Variants in MYO16 observed in about 807,000 individuals in gnomAD.
MYO16 encodes myosin XVI.
In MYO16, 94 loss-of-function variants were observed where a neutral mutation model predicts 205.3. The observed-to-expected ratio is 0.46, with a 90% CI of 0.39 to 0.54. The LOEUF (loss-of-function observed/expected upper bound fraction) is 0.54, where lower values mean the gene tolerates loss of function less well. Ranked by LOEUF, MYO16 falls within the 20% of genes least tolerant of loss-of-function variation. The pLI is 0.00. For synonymous variants in MYO16, 988 were observed against 954.0 expected (o/e 1.04, Z -0.66); for missense variants, 2,315 against 2,387.5 (o/e 0.97, Z 0.63).
intron 4 of MYO16, among the ~76,000 whole-genome samples, chr13:108,774,958 A>G (rs1886079608): frequency 6.6e-6 from 1 of 152,232 alleles, no homozygotes; most frequent in Non-Finnish European, 1.5e-5. Flanking sequence ...AATATTACTT[A>G]AGATTTAGAA....
intron 2 of MYO16, among the ~76,000 whole-genome samples, chr13:108,689,444 T>C (rs889001403): frequency 3.9e-5 from 6 of 152,114 alleles, no homozygotes. Context: ...AACTAATAAT[T>C]GTAAAGGAAC....
At chr13:108,589,064 G>T in the MYO16 span, among the ~76,000 whole-genome samples, 1 of 152,178 alleles carries the variant, frequency 6.6e-6, no homozygotes, top group African/African-American at 2.4e-5. Context: ...TAAAGCAATG[G>T]CACAGGCAAA....
At chr13:109,039,789 C>T (rs1041860009) in intron 23 of MYO16, among the ~76,000 whole-genome samples, 28 of 151,826 alleles carry the variant, frequency 1.8e-4, no homozygotes, top group South Asian at 4.2e-4. Flanking sequence ...ATCTCAGGAA[C>T]GTAGGAGCAA....
chr13:108,594,183 T>C (rs35590787), upstream of MYO16, among the ~76,000 whole-genome samples: 6,449 of 152,260 alleles, frequency 0.042, 355 homozygotes, highest in African/African-American at 0.13. Flanking sequence ...AGATTTACCA[T>C]GAGGCCAATC....
chr13:108,729,234 A>G (rs1045222356), intron 4 of MYO16, among the ~76,000 whole-genome samples: 2 of 152,198 alleles, frequency 1.3e-5, no homozygotes, highest in Non-Finnish European at 2.9e-5. Flanking sequence ...CATAAAGGCC[A>G]TAGAATTTCT....
rs528375184 is a variant in MYO16 at position 108,697,315 on chromosome 13, C to G, written c.293-15346C>G. Among the ~76,000 whole-genome samples the G allele has an allele frequency of 1.5e-4, 23 of 152,296 alleles. No homozygotes were observed. In the East Asian group the frequency reaches 4.4e-3, roughly 29 times the overall value. On this transcript the variant is annotated intron_variant, in intron 2 of 34. Transcript: ENST00000457511. ...CCCTTTCTTTACTTCCGGGACCACC[C>G]ACTCCCCTCGACAGTGCTTCTGTTT...
intron 34 of MYO16, among the ~76,000 whole-genome samples, chr13:109,192,851 T>C (rs969194665): frequency 5.3e-5 from 8 of 152,242 alleles, no homozygotes; most frequent in African/African-American, 1.9e-4. Flanking sequence ...TTATCTGTTA[T>C]GACATCCTGG....
In MYO16 at chr13:109,125,472, A is replaced by G; in HGVS notation, c.3782+114A>G. 1 of 1,385,988 alleles carries G rather than the reference A, an allele frequency of 7.2e-7. No homozygotes were observed. Among genetic ancestry groups the G allele is most frequent in the East Asian group, 2.4e-5 (1 of 41,254 alleles). 85.9% of individuals were successfully genotyped at this position (1,385,988 alleles called of 1,614,324 possible). ...AATCAAATATGACAGGAGTTGCAGG[A>G]ACAGGCATGCGTGGTTTGTTATTCG... On this transcript the variant is annotated intron_variant, in intron 30 of 34. Transcript: ENST00000457511. The surrounding 1 kb of genome is among the most constrained non-coding windows in gnomAD (Gnocchi z 4.0).
chr13:108,509,177 T>G, the MYO16 span, among the ~76,000 whole-genome samples: 6 of 152,140 alleles, frequency 3.9e-5, no homozygotes, highest in Admixed American at 3.9e-4. Context: ...GTAATATAAG[T>G]AGAGGACTGA....
At chr13:108,607,516 G>A (rs1032815760) in intron 1 of MYO16, among the ~76,000 whole-genome samples, 3 of 152,052 alleles carry the variant, frequency 2.0e-5, no homozygotes, top group African/African-American at 4.8e-5. Flanking sequence ...AGAAGGACAT[G>A]TTTCCTTCCC....
intron 20 of MYO16, among the ~76,000 whole-genome samples, chr13:108,981,624 T>C (rs1419422123): frequency 6.6e-6 from 1 of 152,248 alleles, no homozygotes; most frequent in African/African-American, 2.4e-5. Context: ...CTCGTGTTGC[T>C]CCAGCCTTCA....
At chr13:108,699,575 A>C (rs897327152) in intron 2 of MYO16, among the ~76,000 whole-genome samples, 8 of 152,210 alleles carry the variant, frequency 5.3e-5, no homozygotes, top group East Asian at 3.9e-4. Flanking sequence ...AGCTAAGGAA[A>C]TATGCCATCA....
At chr13:108,916,985 G>A (rs1594393723) in intron 16 of MYO16, among the ~76,000 whole-genome samples, 3 of 152,200 alleles carry the variant, frequency 2.0e-5, no homozygotes, top group Non-Finnish European at 2.9e-5. Flanking sequence ...AGATGAGGGC[G>A]TAGCTGAAGA....
chr13:108,691,581 C>G (rs1229826525), intron 2 of MYO16, among the ~76,000 whole-genome samples: 5 of 152,230 alleles, frequency 3.3e-5, no homozygotes, highest in African/African-American at 1.2e-4. Flanking sequence ...CCGTCCTGCC[C>G]AGCCTGGAGT....
intron 1 of MYO16, among the ~76,000 whole-genome samples, chr13:108,662,836 T>C (rs1383525507): frequency 1.3e-5 from 2 of 152,170 alleles, no homozygotes; most frequent in Non-Finnish European, 2.9e-5. Flanking sequence ...AGCTAGAGAA[T>C]TCCTTCTCCC....
chr13:108,525,121 G>A, the MYO16 span, among the ~76,000 whole-genome samples: 2 of 152,124 alleles, frequency 1.3e-5, no homozygotes, highest in East Asian at 1.9e-4. Context: ...GGTTCCCAGC[G>A]AGAACGACCA....
chr13:109,193,135 C>T (rs1879998241), intron 34 of MYO16, among the ~76,000 whole-genome samples: 1 of 152,180 alleles, frequency 6.6e-6, no homozygotes, highest in African/African-American at 2.4e-5. Context: ...CTCTTTCTCT[C>T]TCTCTCTCAC....
At chr13:109,126,037 C>G (rs1026133149) in intron 30 of MYO16, among the ~76,000 whole-genome samples, 29 of 152,192 alleles carry the variant, frequency 1.9e-4, no homozygotes, top group African/African-American at 7.0e-4. Flanking sequence ...GAGCTGCTTC[C>G]TTTGGACCTT....
intron 32 of MYO16, among the ~76,000 whole-genome samples, 183 bp from the exon 33 acceptor site, chr13:109,164,718 T>C (rs1459032119): frequency 1.3e-5 from 2 of 152,196 alleles, no homozygotes; most frequent in Non-Finnish European, 2.9e-5. Flanking sequence ...TCCTTTTTGT[T>C]TGACATTGTT....
Sources: allele counts gnomAD v4.1 joint callset (sites outside exome capture counted in the v4.1 genomes callset), GRCh38; gene constraint gnomAD v4.1.1; non-coding constraint Gnocchi (gnomAD v3.1); transcripts MANE v1.5; gene names NCBI Gene and HGNC (gene_info 2026-07-23, HGNC 2026-07-21).